The following HIBCH variants were observed in gnomAD, a reference collection of about 807,000 sequenced individuals.
HIBCH encodes the protein 3-hydroxyisobutyryl-CoA hydrolase.
HIBCH carries 50 observed loss-of-function variants against 58.2 expected under a neutral mutation model. That is an observed-to-expected ratio of 0.86 (90% CI 0.68 to 1.09). HIBCH has a LOEUF of 1.09. Ranked by LOEUF, HIBCH falls within the 50% of genes least tolerant of loss-of-function variation. HIBCH has a pLI of 0.00. For synonymous variants in HIBCH, 151 were observed against 146.9 expected (o/e 1.03, Z -0.20); for missense variants, 450 against 449.7 (o/e 1.00, Z -0.01).
intron 7 of HIBCH, among the ~76,000 whole-genome samples, chr2:190,257,262 G>A (rs1686952359): frequency 6.6e-6 from 1 of 152,182 alleles, no homozygotes; most frequent in Admixed American, 6.5e-5. Flanking sequence ...AGATGACAGT[G>A]TAGTAACATC....
chr2:190,224,954 G>C (rs1685844878), intron 11 of HIBCH, among the ~76,000 whole-genome samples: 1 of 152,190 alleles, frequency 6.6e-6, no homozygotes, highest in South Asian at 2.1e-4. Flanking sequence ...CTAGAACTCA[G>C]GATTAAGAAA....
At chr2:190,301,965 A>G (rs1004945797) in intron 2 of HIBCH, among the ~76,000 whole-genome samples, 1 of 152,234 alleles carries the variant, frequency 6.6e-6, no homozygotes, top group Non-Finnish European at 1.5e-5. Flanking sequence ...ATTAGGCTCC[A>G]ACATACAAAT....
intron 6 of HIBCH, among the ~76,000 whole-genome samples, chr2:190,261,854 A>G (rs1687095406): frequency 6.6e-6 from 1 of 152,144 alleles, no homozygotes; most frequent in Non-Finnish European, 1.5e-5. Flanking sequence ...CTGCTCAATC[A>G]CTGCTTTTTC....
chr2:190,292,715 GTTTATCATCT>G (rs978593792), intron 4 of HIBCH, among the ~76,000 whole-genome samples: 1 of 151,938 alleles, frequency 6.6e-6, no homozygotes, highest in Non-Finnish European at 1.5e-5. Flanking sequence ...GACTATCTTT[GTTTATCATCT>G]TTTATTCAGC....
At chr2:190,252,373 TG>T in intron 7 of HIBCH, 66 bp from the exon 8 acceptor site, 2 of 1,374,606 alleles carry the variant, frequency 1.5e-6, no homozygotes, top group Non-Finnish European at 2.1e-6. Flanking sequence ...ATAACCTTTT[TG>T]CCGTAGATCA....
At chr2:190,294,281 T>C (rs913712131) in intron 4 of HIBCH, among the ~76,000 whole-genome samples, 2 of 151,886 alleles carry the variant, frequency 1.3e-5, no homozygotes, top group African/African-American at 4.8e-5. Flanking sequence ...ACATTTTGTT[T>C]GTGATGATTC....
At chr2:190,275,991 A>G (rs1687538817) in intron 6 of HIBCH, among the ~76,000 whole-genome samples, 1 of 152,228 alleles carries the variant, frequency 6.6e-6, no homozygotes, top group Admixed American at 6.5e-5. Flanking sequence ...AAGTGAGATC[A>G]AGATCCTGAA....
intron 7 of HIBCH, among the ~76,000 whole-genome samples, chr2:190,257,796 G>C (rs558852465): frequency 4.2e-4 from 64 of 152,284 alleles, no homozygotes; most frequent in South Asian, 8.3e-4. Context: ...CAGAAGGAAA[G>C]GGGGCTGAAG....
chr2:190,264,434 T>G (rs999072523), intron 6 of HIBCH, among the ~76,000 whole-genome samples: 2 of 152,160 alleles, frequency 1.3e-5, no homozygotes, highest in African/African-American at 4.8e-5. Flanking sequence ...CTATCAGAAA[T>G]TGTGCTATGC....
chr2:190,278,517 T>C (rs867862369), intron 6 of HIBCH, among the ~76,000 whole-genome samples: 4 of 152,318 alleles, frequency 2.6e-5, no homozygotes, highest in South Asian at 2.1e-4. Context: ...AATCTGCTTT[T>C]TAACAAGCCC....
Position 190,206,463 on chromosome 2 carries a change from CA to C in HIBCH, c.1046-1232del, listed in dbSNP as rs894933434. 6.6e-6 allele frequency among the ~76,000 whole-genome samples: 1 copy of C among 152,168 alleles called. No homozygotes were observed. Among genetic ancestry groups the C allele is most frequent in the Non-Finnish European group, 1.5e-5 (1 of 68,026 alleles). On this transcript the variant is annotated intron_variant, in intron 13 of 13. Coordinates refer to ENST00000359678, the MANE Select transcript of HIBCH (RefSeq NM_014362.4). This position sits in a 1 kb window ranked among gnomAD's most constrained non-coding sequence, Gnocchi z 5.1. ...GGACAAGAGCAAAGAGACTATTAAT[CA>C]AATTTGTTATTTTATTTCAAGCTAA...
chr2:190,250,728 C>T (rs1686738786), intron 8 of HIBCH, among the ~76,000 whole-genome samples: 6 of 152,148 alleles, frequency 3.9e-5, no homozygotes, highest in Admixed American at 3.9e-4. Flanking sequence ...ATAGAAAGGC[C>T]TTCATAACAG....
chr2:190,225,386 G>C (rs1685857604), intron 11 of HIBCH, among the ~76,000 whole-genome samples: 3 of 151,896 alleles, frequency 2.0e-5, no homozygotes, highest in Admixed American at 2.0e-4. Context: ...GACTAATAAA[G>C]AAGAAAAGAT....
intron 7 of HIBCH, among the ~76,000 whole-genome samples, chr2:190,260,133 C>T (rs2105950720): frequency 6.6e-6 from 1 of 152,260 alleles, no homozygotes. Flanking sequence ...TAAAACTGCT[C>T]TTACTTGTGA....
chr2:190,286,681 G>T (rs924318391), intron 6 of HIBCH, among the ~76,000 whole-genome samples: 1 of 152,032 alleles, frequency 6.6e-6, no homozygotes, highest in African/African-American at 2.4e-5. Context: ...TCTAACTCCA[G>T]GTCAAGTTAA....
chr2:190,290,107 G>A (rs1396305200), intron 5 of HIBCH, among the ~76,000 whole-genome samples: 1 of 152,148 alleles, frequency 6.6e-6, no homozygotes, highest in Admixed American at 6.6e-5. Flanking sequence ...TCAAACTCCT[G>A]AACTCAGGTG....
intron 6 of HIBCH, 50 bp from the exon 7 acceptor site, chr2:190,261,284 T>TA (rs1559040108): frequency 1.5e-6 from 2 of 1,335,152 alleles, no homozygotes. Flanking sequence ...AACATATTGT[T>TA]AAAAAACAAG....
At chr2:190,242,681 T>C (rs191375286) in intron 11 of HIBCH, among the ~76,000 whole-genome samples, 147 of 152,216 alleles carry the variant, frequency 9.7e-4, no homozygotes, top group African/African-American at 3.4e-3. Context: ...TAGGAGGAGG[T>C]AGTCATCAAT....
chr2:190,283,635 A>C (rs1449818256), intron 6 of HIBCH, among the ~76,000 whole-genome samples: 2 of 152,242 alleles, frequency 1.3e-5, no homozygotes, highest in Non-Finnish European at 2.9e-5. Flanking sequence ...TAAGCATTTC[A>C]GACAAGAGAT....
Sources: gnomAD v4.1 joint callset for allele counts (sites outside exome capture counted in the v4.1 genomes callset) on GRCh38, gnomAD v4.1.1 for gene constraint, Gnocchi (gnomAD v3.1) non-coding constraint, MANE v1.5 for transcripts, NCBI Gene and HGNC (gene_info 2026-07-23, HGNC 2026-07-21) for gene names.